Variants in WARS1 observed in about 807,000 individuals in gnomAD.
WARS1 encodes the protein tryptophanyl-tRNA synthetase 1.
WARS1 carries 17 observed loss-of-function variants against 47.8 expected under a neutral mutation model. The ratio of observed to expected loss-of-function variants is 0.36; its 90% CI spans 0.24 to 0.53. The LOEUF (loss-of-function observed/expected upper bound fraction) is 0.53, where lower values mean the gene tolerates loss of function less well. WARS1 is among the 20% of genes least tolerant of loss of function. The pLI is 0.91. For missense variants in WARS1, 434 were observed against 608.0 expected, an observed-to-expected ratio of 0.71 and a Z score of 3.01; for synonymous variants, 208 against 228.1, an observed-to-expected ratio of 0.91 and a Z score of 0.79.
intron 2 of WARS1, 26 bp downstream of exon 2, chr14:100,369,061 G>A (rs377209658): frequency 7.6e-5 from 114 of 1,491,670 alleles, no homozygotes; most frequent in Non-Finnish European, 9.4e-5. Flanking sequence ...AGCTGCCTTC[G>A]TGGAGAACCC....
chr14:100,356,532 T>C (rs1039609741), intron 4 of WARS1, among the ~76,000 whole-genome samples: 1 of 152,012 alleles, frequency 6.6e-6, no homozygotes, highest in Non-Finnish European at 1.5e-5. Flanking sequence ...TGTATACCAA[T>C]ACATTAGATA....
chr14:100,337,843 G>A (rs1322633713), intron 9 of WARS1, among the ~76,000 whole-genome samples: 1 of 152,054 alleles, frequency 6.6e-6, no homozygotes, highest in African/African-American at 2.4e-5. Flanking sequence ...CGGCGACAGA[G>A]CAAGACCTTG....
chr14:100,339,132 C>T (rs1048333482), intron 9 of WARS1, among the ~76,000 whole-genome samples: 9 of 151,698 alleles, frequency 5.9e-5, no homozygotes, highest in African/African-American at 1.7e-4. Flanking sequence ...CATACACACA[C>T]ACACACACAC....
intron 7 of WARS1, among the ~76,000 whole-genome samples, chr14:100,345,672 TAAA>T (rs758239477): frequency 0.026 from 3,672 of 142,032 alleles, 52 homozygotes; most frequent in Non-Finnish European, 0.038. Context: ...AATAAATAAA[TAAA>T]TTAAAAAAAA....
intron 2 of WARS1, chr14:100,366,574 G>C (rs1447032207): frequency 3.1e-6 from 2 of 655,056 alleles, no homozygotes; most frequent in African/African-American, 3.6e-5. Flanking sequence ...CTACCATTAA[G>C]ATCTCAGAGA....
intron 9 of WARS1, chr14:100,340,606 G>A (rs1301567161): frequency 4.6e-5 from 7 of 152,222 alleles, no homozygotes; most frequent in African/African-American, 1.7e-4. Flanking sequence ...CCATCCTCCT[G>A]AGTAGCTGGG....
chr14:100,343,842 C>T (rs1020002994), intron 7 of WARS1, among the ~76,000 whole-genome samples: 3 of 152,094 alleles, frequency 2.0e-5, no homozygotes, highest in African/African-American at 4.8e-5. Context: ...ATCATGTTGG[C>T]CAGCATGGTC....
chr14:100,342,823 C>T (rs1894265201), intron 8 of WARS1, among the ~76,000 whole-genome samples: 1 of 151,906 alleles, frequency 6.6e-6, no homozygotes, highest in South Asian at 2.1e-4. Context: ...CCCATCAACC[C>T]GTCATCTAGG....
chr14:100,353,947 C>G, intron 5 of WARS1, 78 bp from the exon 6 acceptor site: 7 of 1,350,454 alleles, frequency 5.2e-6, no homozygotes, highest in Non-Finnish European at 7.1e-6. Flanking sequence ...GAAAACACAG[C>G]TCCTACTTAC....
At position 100,334,759 on chromosome 14, in the gene WARS1, A is replaced by G; in HGVS notation, c.*116T>C. On this transcript the variant is annotated 3_prime_UTR_variant, in exon 11 of 11. Coordinates refer to ENST00000392882, the MANE Select transcript of WARS1 (RefSeq NM_004184.4). ...TAACATACACAGGCTTACAGAGGCC[A>G]GGCCCAGTAATTACCATGAGACAGA... is the stretch of plus-strand genomic sequence containing the variant. 1.6e-6 allele frequency: 2 copies of G among 1,242,152 alleles called. No homozygotes were observed. The highest frequency in any genetic ancestry group is 2.3e-6 in the Non-Finnish European group (2 of 883,450). The allele number at this position is 1,242,152 out of a possible 1,614,324, so 76.9% of individuals were successfully genotyped here. A position where few individuals can be genotyped will look rare whatever the true frequency, so the allele number is the denominator to read the frequency against.
At chr14:100,364,378 T>C (rs2140056945) in intron 2 of WARS1, among the ~76,000 whole-genome samples, 1 of 152,262 alleles carries the variant, frequency 6.6e-6, no homozygotes, top group South Asian at 2.1e-4. Flanking sequence ...ATTCTTTAGA[T>C]ACACTGGAGC....
intron 4 of WARS1, 67 bp downstream of exon 4, chr14:100,360,487 G>T: frequency 7.7e-7 from 1 of 1,302,698 alleles, no homozygotes; most frequent in South Asian, 1.3e-5. Context: ...TGAAGAGAGT[G>T]TCTTACGATT....
intron 2 of WARS1, among the ~76,000 whole-genome samples, chr14:100,365,162 C>CAA (rs1464819249): frequency 7.3e-5 from 11 of 150,952 alleles, no homozygotes; most frequent in Non-Finnish European, 1.6e-4. Flanking sequence ...CACACACACA[C>CAA]AAATAATGAT....
chr14:100,349,160 A>G (rs1894813742), intron 6 of WARS1, among the ~76,000 whole-genome samples: 1 of 152,118 alleles, frequency 6.6e-6, no homozygotes, highest in Non-Finnish European at 1.5e-5. Context: ...AGATTACAAC[A>G]TTTACTGAGC....
chr14:100,368,237 C>T, intron 2 of WARS1: 1 of 341,898 alleles, frequency 2.9e-6, no homozygotes, highest in South Asian at 2.2e-5. Context: ...GTCAAGCAAA[C>T]AGATATTAAG....
At chr14:100,360,493 C>A (rs1351459069) in intron 4 of WARS1, 61 bp downstream of exon 4, 9 of 1,377,812 alleles carry the variant, frequency 6.5e-6, no homozygotes, top group Non-Finnish European at 9.1e-6. Context: ...GAGTGTCTTA[C>A]GATTTTTTTG....
At chr14:100,345,665 A>C (rs952389483) in intron 7 of WARS1, among the ~76,000 whole-genome samples, 3 of 14,454 alleles carry the variant, frequency 2.1e-4, no homozygotes, top group South Asian at 0.021. Context: ...CAATAAAAAT[A>C]AATAAATAAA....
At chr14:100,345,731 GT>G (rs1894567918) in intron 7 of WARS1, among the ~76,000 whole-genome samples, 1 of 152,194 alleles carries the variant, frequency 6.6e-6, no homozygotes, top group Non-Finnish European at 1.5e-5. Flanking sequence ...AGTGTTTAGT[GT>G]TTTGGATGTT....
intron 4 of WARS1, among the ~76,000 whole-genome samples, chr14:100,360,208 T>C (rs779877983): frequency 5.3e-5 from 8 of 152,240 alleles, no homozygotes; most frequent in Non-Finnish European, 5.9e-5. Context: ...CTACTGTTTG[T>C]CATGTGGGAA....
Sources: gnomAD v4.1 joint callset for allele counts (sites outside exome capture counted in the v4.1 genomes callset) on GRCh38, gnomAD v4.1.1 for gene constraint, MANE v1.5 for transcripts, NCBI Gene and HGNC (gene_info 2026-07-23, HGNC 2026-07-21) for gene names.